C13orf42: variants seen among roughly 807,000 people sequenced by gnomAD.
C13orf42 encodes uncharacterized protein C13orf42.
At chr13:51,114,887 C>T (rs2138008608), upstream of C13orf42, among the ~76,000 whole-genome samples, 1 of 152,088 alleles carries the variant, frequency 6.6e-6, no homozygotes, top group South Asian at 2.1e-4. Flanking sequence ...TTTAGGTGTT[C>T]TTGTCAAAAA....
chr13:51,150,191 C>A (rs574790304), intron 1 of C13orf42, among the ~76,000 whole-genome samples: 1 of 152,198 alleles, frequency 6.6e-6, no homozygotes, highest in Non-Finnish European at 1.5e-5. Context: ...ACTGTGGTGT[C>A]GTTTGTGGGA....
At chr13:51,085,633 G>A (rs149772899) in intron 2 of C13orf42, 74 bp from the exon 3 acceptor site, 189 of 397,824 alleles carry the variant, frequency 4.8e-4, no homozygotes, top group Middle Eastern at 6.3e-4. Flanking sequence ...AGGAGAGGGC[G>A]GATTGGACTG....
chr13:51,094,276 A>G (rs1397591221), intron 1 of C13orf42, among the ~76,000 whole-genome samples: 2 of 152,184 alleles, frequency 1.3e-5, no homozygotes, highest in African/African-American at 4.8e-5. Context: ...TACGGATTTT[A>G]TTGCTACAGG....
chr13:51,131,645 T>C (rs1460185523), intron 1 of C13orf42, among the ~76,000 whole-genome samples: 1 of 152,226 alleles, frequency 6.6e-6, no homozygotes, highest in Non-Finnish European at 1.5e-5. Context: ...TAAGATTCCT[T>C]CTTATGGAAC....
chr13:51,114,647 G>GATAGAGAGAGAT (rs10681325), upstream of C13orf42, among the ~76,000 whole-genome samples: 10 of 63,366 alleles, frequency 1.6e-4, no homozygotes, highest in African/African-American at 7.1e-4. Flanking sequence ...TAGATAGATA[G>GATAGAGAGAGAT]AGATAGACAG....
chr13:51,117,574 G>A (rs1208942656), intron 1 of C13orf42, among the ~76,000 whole-genome samples: 1 of 152,140 alleles, frequency 6.6e-6, no homozygotes, highest in East Asian at 1.9e-4. Context: ...CCAAACCCAA[G>A]GTAGAAGGCT....
intron 1 of C13orf42, among the ~76,000 whole-genome samples, chr13:51,170,165 T>C (rs766050022): frequency 6.6e-6 from 1 of 152,104 alleles, no homozygotes; most frequent in Admixed American, 6.5e-5. Context: ...GTAATTTTCC[T>C]TTACCTACCC....
chr13:51,114,147 C>T (rs1953462887), upstream of C13orf42, among the ~76,000 whole-genome samples: 1 of 152,202 alleles, frequency 6.6e-6, no homozygotes, highest in Non-Finnish European at 1.5e-5. Flanking sequence ...CCTCTGCCTG[C>T]TCCTAGATGA....
intron 1 of C13orf42, among the ~76,000 whole-genome samples, chr13:51,119,169 G>A (rs997912978): frequency 2.0e-5 from 3 of 152,062 alleles, no homozygotes; most frequent in Non-Finnish European, 4.4e-5. Context: ...GTATGCCCAG[G>A]TGTACAGTAT....
At chr13:51,126,054 G>A (rs1953574544) in intron 1 of C13orf42, among the ~76,000 whole-genome samples, 1 of 152,176 alleles carries the variant, frequency 6.6e-6, no homozygotes. Flanking sequence ...CAGAATTAGT[G>A]AATGTATGCA....
At chr13:51,113,813 G>A (rs1293168063), upstream of C13orf42, among the ~76,000 whole-genome samples, 1 of 152,130 alleles carries the variant, frequency 6.6e-6, no homozygotes, top group Non-Finnish European at 1.5e-5. Context: ...TACACATTGT[G>A]GAATGCGGAC....
intron 1 of C13orf42, among the ~76,000 whole-genome samples, chr13:51,168,409 T>G (rs729032): frequency 0.33 from 50,485 of 152,164 alleles, 10,227 homozygotes; most frequent in Non-Finnish European, 0.44. Flanking sequence ...AAGGCTATAT[T>G]TCCCAGCCTC....
chr13:51,082,458 T>C lies in C13orf42; in HGVS notation c.*1693A>G, dbSNP rs1329574700. On this transcript the variant is annotated 3_prime_UTR_variant, in exon 4 of 4. Coordinates refer to ENST00000563710, the MANE Select transcript of C13orf42 (RefSeq NM_001351589.3). ...TTTTCTTATCTTTAAAAACAAAATGTACACAGTATCTTCACCACATAATTT... is the reference window on the plus strand; with the variant it reads ...TTTTCTTATCTTTAAAAACAAAATGCACACAGTATCTTCACCACATAATTT... 6.6e-6 allele frequency: 1 copy of C among 152,234 alleles called. No individual in the cohort carries two copies. Among genetic ancestry groups the C allele is most frequent in the African/African-American group, 2.4e-5 (1 of 41,470 alleles). The allele number at this position is 152,234 out of a possible 1,614,324, so 9.4% of individuals were successfully genotyped here. A position where few individuals can be genotyped will look rare whatever the true frequency, so the allele number is the denominator to read the frequency against.
chr13:51,139,744 A>G (rs563353372), intron 1 of C13orf42, among the ~76,000 whole-genome samples: 4 of 152,322 alleles, frequency 2.6e-5, no homozygotes, highest in African/African-American at 9.6e-5. Context: ...GTTATCCTAT[A>G]TGGTCTAAAA....
intron 1 of C13orf42, among the ~76,000 whole-genome samples, chr13:51,095,402 A>G (rs1271971944): frequency 6.6e-6 from 1 of 152,006 alleles, no homozygotes; most frequent in Non-Finnish European, 1.5e-5. Context: ...AATCTCAGCC[A>G]TTGTTCCCTC....
At chr13:51,117,958 T>C (rs1157071430) in intron 1 of C13orf42, among the ~76,000 whole-genome samples, 1 of 152,198 alleles carries the variant, frequency 6.6e-6, no homozygotes, top group Non-Finnish European at 1.5e-5. Flanking sequence ...GTATCCTTGT[T>C]TCAGCCAATA....
rs565916898 is a variant in C13orf42, at chr13:51,091,476, C to CCCTG, written c.415-3405_415-3402dup. Among the ~76,000 whole-genome samples, 583 of 152,248 alleles carry CCCTG rather than the reference C, an allele frequency of 3.8e-3. 4 individuals carry two copies. The highest frequency in any genetic ancestry group is 0.013 in the African/African-American group (556 of 41,536). On this transcript the variant is annotated intron_variant, in intron 1 of 3. Coordinates refer to ENST00000563710, the MANE Select transcript of C13orf42 (RefSeq NM_001351589.3). ...CAAATTGCTTTATTCTCCTACTTAG[C>CCCTG]CCTGCCTGCCTTCCCTGCCCCTTGA...
intron 1 of C13orf42, among the ~76,000 whole-genome samples, chr13:51,097,278 G>C (rs1159912227): frequency 6.6e-6 from 1 of 152,186 alleles, no homozygotes. Flanking sequence ...TTAGAGATAG[G>C]CTTCCATTTA....
intron 1 of C13orf42, among the ~76,000 whole-genome samples, chr13:51,170,740 G>T (rs924404351): frequency 6.6e-6 from 1 of 152,116 alleles, no homozygotes; most frequent in Non-Finnish European, 1.5e-5. Flanking sequence ...ACCACGCAGG[G>T]ACGCCTGCCT....
Sources: gnomAD v4.1 joint callset for allele counts (sites outside exome capture counted in the v4.1 genomes callset) on GRCh38, gnomAD v4.1.1 for gene constraint, MANE v1.5 for transcripts, NCBI Gene and HGNC (gene_info 2026-07-23, HGNC 2026-07-21) for gene names.